The following MYO5A variants were observed in gnomAD, a reference collection of about 807,000 sequenced individuals.
MYO5A encodes the protein unconventional myosin-Va.
A neutral mutation model predicts 249.7 loss-of-function variants in MYO5A; 98 were observed. That is an observed-to-expected ratio of 0.39 (90% CI 0.33 to 0.46). The LOEUF (loss-of-function observed/expected upper bound fraction) is 0.46. Among genes scored for constraint, MYO5A ranks in the 20% least tolerant of loss-of-function variants. The pLI is 0.98. For missense variants in MYO5A, 1,696 were observed against 2,308.8 expected (o/e 0.73, Z 5.44); for synonymous variants, 778 against 810.6 (o/e 0.96, Z 0.68).
chr15:52,419,153 A>G (rs2043667078), intron 4 of MYO5A, among the ~76,000 whole-genome samples: 1 of 152,240 alleles, frequency 6.6e-6, no homozygotes, highest in African/African-American at 2.4e-5. Flanking sequence ...GAGTGTTGTC[A>G]TGTACCTTGA....
rs986035103 is a variant in MYO5A at position 52,484,185 on chromosome 15, C to A, written c.27+44595G>T. On this transcript the variant is annotated intron_variant, in intron 1 of 41. Transcript: ENST00000399233. ...CTATAAGAGCAGAACCAAAAGTATT[C>A]TATGATAATTGTAGCAAGTTGAACG... Among the ~76,000 whole-genome samples, 3 of 152,118 alleles carry A rather than the reference C, an allele frequency of 2.0e-5. No homozygotes were observed. The South Asian group carries it at 6.2e-4, about 32-fold the overall frequency.
At chr15:52,375,715 G>A (rs979657948) in intron 19 of MYO5A, among the ~76,000 whole-genome samples, 1 of 152,122 alleles carries the variant, frequency 6.6e-6, no homozygotes, top group East Asian at 1.9e-4. Flanking sequence ...GGCCCACATT[G>A]CCAGATTTTA....
At chr15:52,435,971 G>A (rs1441366660) in intron 1 of MYO5A, among the ~76,000 whole-genome samples, 1 of 152,232 alleles carries the variant, frequency 6.6e-6, no homozygotes, top group Non-Finnish European at 1.5e-5. Flanking sequence ...AGGTTGGAGT[G>A]CAATGGCATG....
At chr15:52,350,178 C>A (rs1203636876) in intron 28 of MYO5A, among the ~76,000 whole-genome samples, 2 of 152,142 alleles carry the variant, frequency 1.3e-5, no homozygotes, top group Non-Finnish European at 2.9e-5. Flanking sequence ...GTGATCTGCC[C>A]GCCTCGGCCT....
intron 1 of MYO5A, among the ~76,000 whole-genome samples, chr15:52,462,603 T>C (rs1238538278): frequency 6.6e-6 from 1 of 152,132 alleles, no homozygotes; most frequent in African/African-American, 2.4e-5. Context: ...ATCCCAGCAC[T>C]TTCGGAGGCC....
Position 52,340,342 on chromosome 15 carries a change from C to A in MYO5A, c.4093G>T (p.Glu1365Ter), listed in dbSNP as rs377031001. 1 of 1,613,754 alleles carries A rather than the reference C, an allele frequency of 6.2e-7. No individual in the cohort carries two copies. The highest frequency in any genetic ancestry group is 1.3e-5 in the African/African-American group (1 of 74,888). The change falls in exon 32 of 42, where the codon GAG becomes TAG. Residue 1365 changes from glutamate (E) to a stop codon, truncating the protein, a stop_gained. Coordinates refer to ENST00000399233, the MANE Select transcript of MYO5A (RefSeq NM_001382347.1). LOFTEE classifies it high-confidence loss of function. ...CTCTGGATCTCCCCACGGAGGGCCT[C>A]GGCCTCATTCTCATGGCTCCTCTTC... ...SQKRSHENEA[E>*]ALRGEIQSLK...
At chr15:52,387,735 CTG>C in intron 14 of MYO5A, 92 bp downstream of exon 14, 1 of 1,010,304 alleles carries the variant, frequency 9.9e-7, no homozygotes, top group African/African-American at 1.6e-5. Flanking sequence ...AAATTAAAAA[CTG>C]AAACAGATTT....
At chr15:52,387,944 A>G (rs2141150696) in intron 13 of MYO5A, 32 bp from the exon 14 acceptor site, 1 of 1,473,186 alleles carries the variant, frequency 6.8e-7, no homozygotes, top group South Asian at 1.1e-5. Context: ...TCCTTAACTG[A>G]TAAAACTTTT....
At chr15:52,504,915 C>T (rs1457539217) in intron 1 of MYO5A, among the ~76,000 whole-genome samples, 2 of 151,632 alleles carry the variant, frequency 1.3e-5, no homozygotes, top group Non-Finnish European at 2.9e-5. Flanking sequence ...AAAGAAAAGT[C>T]TGACAGGTAG....
In MYO5A at chr15:52,380,890, T is replaced by C. The variant is rs535833087; in HGVS notation, c.2013-982A>G. Among the ~76,000 whole-genome samples, 3 of 152,370 alleles carry C rather than the reference T, an allele frequency of 2.0e-5. No homozygotes were observed. The South Asian group carries it at 6.2e-4, about 32-fold the overall frequency. Reference sequence around the variant, plus strand: ...TACAGAGCTCCCCTGGAATAAAGACTGGTCAACCCTGGAGATTTCTCTAAC... The same window carrying C: ...TACAGAGCTCCCCTGGAATAAAGACCGGTCAACCCTGGAGATTTCTCTAAC... On this transcript the variant is annotated intron_variant, in intron 16 of 41. Coordinates refer to ENST00000399233, the MANE Select transcript of MYO5A (RefSeq NM_001382347.1).
At chr15:52,405,158 A>C (rs750336114) in intron 9 of MYO5A, 129 bp downstream of exon 9, 1 of 755,182 alleles carries the variant, frequency 1.3e-6, no homozygotes, top group Non-Finnish European at 2.3e-6. Context: ...TTTGGATAAC[A>C]TATGTCTTTG....
rs1406711271 is a variant in MYO5A, at chr15:52,399,904, T to C, written c.1054-2438A>G. 2.0e-5 allele frequency among the ~76,000 whole-genome samples: 3 copies of C among 152,170 alleles called. No homozygotes were observed. In the East Asian group the frequency reaches 5.8e-4, roughly 29 times the overall value. On this transcript the variant is annotated intron_variant, in intron 9 of 41. Coordinates refer to ENST00000399233, the MANE Select transcript of MYO5A (RefSeq NM_001382347.1). ...GCTCCCACTTATAAGTGAGAATATG[T>C]TGTATTTGGTTTTCTGTTTTTGCAT...
intron 40 of MYO5A, 57 bp from the exon 41 acceptor site, chr15:52,314,260 C>T (rs2037884145): frequency 1.6e-6 from 2 of 1,251,940 alleles, no homozygotes; most frequent in East Asian, 4.6e-5. Context: ...ACACTGGGTA[C>T]CTATAATCTG....
intron 1 of MYO5A, among the ~76,000 whole-genome samples, chr15:52,471,750 A>G (rs910666384): frequency 6.6e-6 from 1 of 152,150 alleles, no homozygotes; most frequent in Non-Finnish European, 1.5e-5. Flanking sequence ...CCAGGCTGAC[A>G]TGCAGTGGTG....
intron 25 of MYO5A, among the ~76,000 whole-genome samples, chr15:52,357,735 T>A (rs148447408): frequency 4.6e-5 from 7 of 152,320 alleles, no homozygotes; most frequent in African/African-American, 1.7e-4. Flanking sequence ...GTCCTCACTA[T>A]ACCCCATGAG....
chr15:52,415,459 A>G (rs542300751), intron 5 of MYO5A, among the ~76,000 whole-genome samples: 39 of 152,326 alleles, frequency 2.6e-4, no homozygotes, highest in Non-Finnish European at 4.7e-4. Context: ...TACTTTGTAT[A>G]TGGTGTATTC....
At chr15:52,487,821 G>A (rs757992205) in intron 1 of MYO5A, among the ~76,000 whole-genome samples, 3 of 151,558 alleles carry the variant, frequency 2.0e-5, no homozygotes, top group Admixed American at 6.6e-5. Context: ...TTGTACGGCC[G>A]GCGTTCCTGA....
At chr15:52,330,662 G>A (rs575597718) in intron 34 of MYO5A, among the ~76,000 whole-genome samples, 163 bp from the exon 35 acceptor site, 1 of 152,206 alleles carries the variant, frequency 6.6e-6, no homozygotes, top group East Asian at 1.9e-4. Flanking sequence ...TTAAAATTGG[G>A]TGAACAGATG....
At chr15:52,443,391 T>A (rs1477448810) in intron 1 of MYO5A, among the ~76,000 whole-genome samples, 1 of 152,222 alleles carries the variant, frequency 6.6e-6, no homozygotes, top group Non-Finnish European at 1.5e-5. Flanking sequence ...TTAAAATTTT[T>A]ATTTTTTTGC....
Sources: allele counts gnomAD v4.1 joint callset (sites outside exome capture counted in the v4.1 genomes callset), GRCh38; gene constraint gnomAD v4.1.1; transcripts MANE v1.5; gene names NCBI Gene and HGNC (gene_info 2026-07-23, HGNC 2026-07-21).